Variants in CHLSN observed in about 807,000 individuals in gnomAD.
CHLSN encodes cholesin.
At chr7:1,075,935 C>G in the CHLSN span, 5 of 151,972 alleles carry the variant, frequency 3.3e-5, no homozygotes, top group Admixed American at 1.3e-4. Context: ...ACCCTCCTGA[C>G]CTCAGGTAGG....
chr7:1,053,485 C>T, the CHLSN span, among the ~76,000 whole-genome samples: 5 of 152,216 alleles, frequency 3.3e-5, no homozygotes, highest in African/African-American at 1.2e-4. Context: ...CTCGCCAGGC[C>T]CTGGCACGCT....
At chr7:1,012,612 G>A in the CHLSN span, among the ~76,000 whole-genome samples, 2 of 152,254 alleles carry the variant, frequency 1.3e-5, no homozygotes, top group Admixed American at 6.5e-5. Context: ...CTGTGGCCAC[G>A]AGGTGGGAAG....
chr7:1,116,700 C>T, the CHLSN span, among the ~76,000 whole-genome samples: 1 of 42,510 alleles, frequency 2.4e-5, no homozygotes, highest in East Asian at 4.6e-4. Flanking sequence ...TACAGCTCTA[C>T]GGACCGGCTT....
the CHLSN span, among the ~76,000 whole-genome samples, chr7:1,060,366 C>T: frequency 6.6e-6 from 1 of 152,210 alleles, no homozygotes; most frequent in African/African-American, 2.4e-5. Context: ...GGACCCCACC[C>T]CTTCTGAAGA....
chr7:1,033,903 G>C, the CHLSN span, among the ~76,000 whole-genome samples: 1 of 152,358 alleles, frequency 6.6e-6, no homozygotes, highest in East Asian at 1.9e-4. Context: ...AAGGCCAGGA[G>C]CAGGGCAAGG....
At chr7:1,136,415 T>TATAATATATATAAAC in the CHLSN span, among the ~76,000 whole-genome samples, 1 of 89,940 alleles carries the variant, frequency 1.1e-5, no homozygotes, top group African/African-American at 4.2e-5. Flanking sequence ...TATAAACATA[T>TATAATATATATAAAC]ATATAAATAT....
the CHLSN span, among the ~76,000 whole-genome samples, chr7:1,116,394 G>A: frequency 3.7e-5 from 5 of 135,138 alleles, no homozygotes; most frequent in Non-Finnish European, 6.1e-5. Flanking sequence ...CGACGCCCAC[G>A]CAGGATGATG....
chr7:1,010,188 C>T, the CHLSN span: 101 of 1,554,592 alleles, frequency 6.5e-5, no homozygotes, highest in African/African-American at 1.2e-3. Context: ...GGAGGGTATC[C>T]AGAGACGGGT....
At chr7:986,651 G>GC in the CHLSN span, 1 of 1,612,604 alleles carries the variant, frequency 6.2e-7, no homozygotes, top group Non-Finnish European at 8.5e-7. Context: ...ATGGCTCGGG[G>GC]CCCTGCTCCA....
the CHLSN span, among the ~76,000 whole-genome samples, chr7:1,066,906 G>A: frequency 7.7e-5 from 11 of 143,054 alleles, no homozygotes; most frequent in African/African-American, 1.3e-4. Context: ...GTCTGTTGGC[G>A]GAGGCTGGAG....
At chr7:1,105,070 A>G in the CHLSN span, among the ~76,000 whole-genome samples, 2 of 152,228 alleles carry the variant, frequency 1.3e-5, no homozygotes, top group Non-Finnish European at 1.5e-5. Context: ...TTTTCTTACT[A>G]TGTATCGCAA....
the CHLSN span, chr7:988,908 G>A: frequency 2.4e-5 from 20 of 844,168 alleles, no homozygotes; most frequent in Middle Eastern, 3.6e-4. Context: ...CCCACAGCTC[G>A]GACTGCTCTG....
the CHLSN span, chr7:985,095 CAGAG>C: frequency 6.2e-7 from 1 of 1,611,854 alleles, no homozygotes; most frequent in Non-Finnish European, 8.5e-7. Context: ...TGGATGGCTA[CAGAG>C]GTGAGCAGGG....
the CHLSN span, among the ~76,000 whole-genome samples, chr7:1,112,821 C>T: frequency 5.3e-5 from 8 of 152,138 alleles, no homozygotes; most frequent in East Asian, 1.3e-3. Flanking sequence ...TCTGGAGAAG[C>T]GCAGCGGCTT....
At chr7:1,019,703 C>T in the CHLSN span, among the ~76,000 whole-genome samples, 21 of 152,244 alleles carry the variant, frequency 1.4e-4, no homozygotes, top group African/African-American at 4.8e-4. Flanking sequence ...GCCCCCACTG[C>T]AGCCAGGGCT....
the CHLSN span, chr7:997,703 C>T: frequency 1.1e-5 from 17 of 1,611,184 alleles, no homozygotes; most frequent in Non-Finnish European, 1.4e-5. Flanking sequence ...CCTCATCCAG[C>T]TCCCGCATCA....
chr7:1,057,106 G>A, the CHLSN span, among the ~76,000 whole-genome samples: 140 of 152,192 alleles, frequency 9.2e-4, 6 homozygotes, highest in South Asian at 0.026. Flanking sequence ...CCCTCCCGGC[G>A]CTGGCAAGAT....
At chr7:990,510 T>C in the CHLSN span, among the ~76,000 whole-genome samples, 4 of 151,316 alleles carry the variant, frequency 2.6e-5, no homozygotes, top group Non-Finnish European at 1.5e-5. Context: ...CATTCCCACC[T>C]GCGCCACGTG....
the CHLSN span, among the ~76,000 whole-genome samples, chr7:1,040,713 T>C: frequency 1.4e-5 from 2 of 148,144 alleles, no homozygotes; most frequent in African/African-American, 2.5e-5. Flanking sequence ...AAGGATAAAT[T>C]AGACTTCACC....
Sources: allele counts gnomAD v4.1 joint callset (sites outside exome capture counted in the v4.1 genomes callset), GRCh38; gene constraint gnomAD v4.1.1; transcripts MANE v1.5; gene names NCBI Gene and HGNC (gene_info 2026-07-23, HGNC 2026-07-21).